The following SPG11 variants were observed in gnomAD, a reference collection of about 807,000 sequenced individuals.
The protein encoded by SPG11 is spatacsin.
Under a neutral mutation model 274.0 loss-of-function variants are expected in SPG11, and 222 were observed. That is an observed-to-expected ratio of 0.81 (90% CI 0.73 to 0.91). The LOEUF is 0.91. SPG11 is among the 40% of genes least tolerant of loss of function. The pLI is 0.00. For synonymous variants in SPG11, 1,144 were observed against 1,039.7 expected (o/e 1.10, Z -1.93); for missense variants, 3,114 against 2,872.7 (o/e 1.08, Z -1.92).
chr15:44,596,817 A>C lies in SPG11; in HGVS notation c.4128T>G (p.Ile1376Met). Reference protein sequence around the residue: ...AKANDWLQFIIHSQLHNYHPA... With the variant: ...AKANDWLQFIMHSQLHNYHPA... ...GGTGGTAGTTGTGGAGTTGGCTGTG[A>C]ATAATGAACTGCAGCCAATCATTTG... is the stretch of plus-strand genomic sequence containing the variant. Residue 1376 changes from isoleucine to methionine, a missense_variant, in exon 24 of 40, where the codon ATT (isoleucine) becomes ATG (methionine). Coordinates refer to ENST00000261866, the MANE Select transcript of SPG11 (RefSeq NM_025137.4). 6.2e-7 allele frequency: 1 copy of C among 1,614,112 alleles called. No individual in the cohort carries two copies. Among genetic ancestry groups the C allele is most frequent in the Non-Finnish European group, 8.5e-7 (1 of 1,180,012 alleles).
At chr15:44,576,235 G>T (rs1056113531) in intron 30 of SPG11, among the ~76,000 whole-genome samples, 8 of 149,276 alleles carry the variant, frequency 5.4e-5, no homozygotes, top group Non-Finnish European at 1.5e-5. Context: ...AAAAAGTAAG[G>T]AATATTTATA....
chr15:44,615,677 A>C, intron 15 of SPG11, 111 bp from the exon 16 acceptor site: 2 of 961,952 alleles, frequency 2.1e-6, no homozygotes, highest in Non-Finnish European at 3.2e-6. Flanking sequence ...TTTACAAATT[A>C]ATGCTGCCAG....
At chr15:44,647,278 T>C (rs2084636185) in intron 7 of SPG11, among the ~76,000 whole-genome samples, 1 of 152,130 alleles carries the variant, frequency 6.6e-6, no homozygotes, top group Admixed American at 6.6e-5. Context: ...AAACAAACAA[T>C]AACAAGTGTT....
chr15:44,587,816 G>A (rs183275052), intron 28 of SPG11, among the ~76,000 whole-genome samples: 3 of 149,930 alleles, frequency 2.0e-5, no homozygotes, highest in African/African-American at 7.4e-5. Context: ...AACTATTATA[G>A]TCATGTTTAA....
In SPG11 at chr15:44,617,579, G is replaced by C. The variant is rs2083621148; in HGVS notation, c.2835-2013C>G. ...GCTCACACTTCTGTTCTCTACCCCGGCACCAATACTCTGTCTTAACTGCTA... is the reference window on the plus strand; with the variant it reads ...GCTCACACTTCTGTTCTCTACCCCGCCACCAATACTCTGTCTTAACTGCTA... On this transcript the variant is annotated intron_variant, in intron 15 of 39. Coordinates refer to ENST00000261866, the MANE Select transcript of SPG11 (RefSeq NM_025137.4). Among the ~76,000 whole-genome samples, 3 of 152,186 alleles carry C rather than the reference G, an allele frequency of 2.0e-5. No homozygotes were observed. The East Asian group carries it at 5.8e-4, about 29-fold the overall frequency.
chr15:44,648,662 TAATCTTATATCTTTTAAAGCCAAAA>T (rs1555459500), intron 7 of SPG11, among the ~76,000 whole-genome samples, 179 bp downstream of exon 7: 3 of 152,164 alleles, frequency 2.0e-5, no homozygotes, highest in Non-Finnish European at 2.9e-5. Context: ...TTATTTACTA[TAATCTTATATCTTTTAAAGCCAAAA>T]AGGGTAAACT....
chr15:44,663,329 CTCAG>C lies in SPG11; in HGVS notation c.257+58_257+61del, dbSNP rs970241079. The stretch of plus-strand genomic sequence containing the variant: ...GAGGCCTCGGCGTGAGCCCTTGGGG[CTCAG>C]TCAGCCGAGCCTAGGCTCTGGACTC... On this transcript the variant is annotated intron_variant, in intron 1 of 39. Transcript: ENST00000261866. The C allele has an allele frequency of 6.4e-6, 10 of 1,565,920 alleles. No individual in the cohort carries two copies. In the African/African-American group the frequency reaches 1.1e-4, roughly 17 times the overall value.
Position 44,596,811 on chromosome 15 carries a change from G to C in SPG11, c.4134C>G (p.Ser1378Arg), listed in dbSNP as rs1225464938. The stretch of plus-strand genomic sequence containing the variant: ...CTGCTGGGTGGTAGTTGTGGAGTTG[G>C]CTGTGAATAATGAACTGCAGCCAAT... The part of the protein sequence containing the change: ...ANDWLQFIIH[S>R]QLHNYHPAEV... Residue 1378 changes from serine to arginine, a missense_variant, in exon 24 of 40, where the codon AGC (serine) becomes AGG (arginine). Transcript: ENST00000261866. 6.2e-7 allele frequency: 1 copy of C among 1,614,034 alleles called. No homozygotes were observed. The highest frequency in any genetic ancestry group is 8.5e-7 in the Non-Finnish European group (1 of 1,180,010).
At position 44,584,353 on chromosome 15, in the gene SPG11, A is replaced by T; in HGVS notation, c.5327T>A (p.Leu1776His). The T allele has an allele frequency of 6.2e-7, 1 of 1,611,212 alleles. No individual in the cohort carries two copies. Among genetic ancestry groups the T allele is most frequent in the Non-Finnish European group, 8.5e-7 (1 of 1,177,950 alleles). ...WSSMEERHLL[L>H]TLAGHWLAQE... is the part of the protein sequence containing the mutation. Reference sequence around the variant, plus strand: ...GGCAAGCCAGTGCCCTGCCAAGGTGAGCAGCAGATGGCGCTCCTCCATGCT... The same window carrying T: ...GGCAAGCCAGTGCCCTGCCAAGGTGTGCAGCAGATGGCGCTCCTCCATGCT... Residue 1776 changes from leucine (L) to histidine (H), a missense_variant, in exon 30 of 40, where the codon CTC becomes CAC. Transcript: ENST00000261866.
intron 26 of SPG11, among the ~76,000 whole-genome samples, chr15:44,593,665 A>G (rs952967480): frequency 6.6e-6 from 1 of 152,058 alleles, no homozygotes; most frequent in Non-Finnish European, 1.5e-5. Context: ...CACTTACTGA[A>G]GTATTTTGAG....
rs778554543 is a variant in SPG11, at chr15:44,633,481, T to C, written c.1735+24A>G. On this transcript the variant is annotated intron_variant, in intron 8 of 39. Coordinates refer to ENST00000261866, the MANE Select transcript of SPG11 (RefSeq NM_025137.4). Reference sequence around the variant, plus strand: ...AAGAAGATCAAATGATAAATACAAATGTAGAAATCTTTATTCCACTTACTT... The same window carrying C: ...AAGAAGATCAAATGATAAATACAAACGTAGAAATCTTTATTCCACTTACTT... 33 of 1,551,808 alleles carry C rather than the reference T, an allele frequency of 2.1e-5. No homozygotes were observed. The Middle Eastern group carries it at 7.1e-4, about 34-fold the overall frequency.
chr15:44,663,570 T>C lies in SPG11; in HGVS notation c.78A>G (p.Leu26=), dbSNP rs753713965. Reference sequence around the variant, plus strand: ...CGGGGACTGGCACCAACAGCATCGGTAGAACCCGCCCCATGGCCGCGGTGC... The same window carrying C: ...CGGGGACTGGCACCAACAGCATCGGCAGAACCCGCCCCATGGCCGCGGTGC... ...SWGTAAMGRV[L]PMLLVPVPAE... Residue 26 remains leucine, a synonymous_variant, in exon 1 of 40, where the codon CTA becomes CTG. Transcript: ENST00000261866. The C allele has an allele frequency of 1.6e-5, 25 of 1,596,664 alleles. No homozygotes were observed. The highest frequency in any genetic ancestry group is 1.7e-5 in the Admixed American group (1 of 58,178).
chr15:44,611,093 A>T (rs1372983605), intron 17 of SPG11, 108 bp from the exon 18 acceptor site: 2 of 110,374 alleles, frequency 1.8e-5, no homozygotes, highest in Non-Finnish European at 1.8e-5. Flanking sequence ...ATCCCCAGTA[A>T]AAAAAAAAAA....
At position 44,620,303 on chromosome 15, in the gene SPG11, A is replaced by C; in HGVS notation, c.2721T>G (p.His907Gln). 6.2e-7 allele frequency: 1 copy of C among 1,614,118 alleles called. No homozygotes were observed. Among genetic ancestry groups the C allele is most frequent in the Non-Finnish European group, 8.5e-7 (1 of 1,179,958 alleles). ...TGTTCTGCTGAAGTGAAGCATAACT[A>C]TGCTGGGTTTGAAATTCTCCAATCC... Reference protein sequence around the residue: ...ILWIGEFQTQHSYASLQQNKW... With the variant: ...ILWIGEFQTQQSYASLQQNKW... Residue 907 changes from histidine to glutamine, a missense_variant, in exon 15 of 40, where the codon CAT (histidine) becomes CAG (glutamine). Physicochemically the swap from His to Gln is conservative, Grantham distance 24. Coordinates refer to ENST00000261866, the MANE Select transcript of SPG11 (RefSeq NM_025137.4).
chr15:44,587,693 C>CA (rs34479385), intron 28 of SPG11, among the ~76,000 whole-genome samples: 1,182 of 34,048 alleles, frequency 0.035, 307 homozygotes, highest in African/African-American at 0.15. Context: ...CAGACTGTCT[C>CA]AAAAAAAAAA....
intron 1 of SPG11, among the ~76,000 whole-genome samples, chr15:44,662,640 A>T (rs900927189): frequency 7.2e-6 from 1 of 139,204 alleles, no homozygotes; most frequent in African/African-American, 2.8e-5. Context: ...GGCGACAGCG[A>T]CCTTATCTTT....
Position 44,565,815 on chromosome 15 carries a change from A to G in SPG11, c.6999+39T>C. On this transcript the variant is annotated intron_variant, in intron 38 of 39. Transcript: ENST00000261866. ...CATGAGTGGGACAGAAGGAGAGAGGATGCTAGCAGTGCTGGCTACAGTTTG... is the reference window on the plus strand; with the variant it reads ...CATGAGTGGGACAGAAGGAGAGAGGGTGCTAGCAGTGCTGGCTACAGTTTG... 2 of 1,612,396 alleles carry G rather than the reference A, an allele frequency of 1.2e-6. 1 individual carries two copies. Among genetic ancestry groups the G allele is most frequent in the South Asian group, 2.2e-5 (2 of 90,660 alleles).
In SPG11 at chr15:44,565,935, G is replaced by A. The variant is rs2082298789; in HGVS notation, c.6918C>T (p.Asn2306=). 1 of 1,613,868 alleles carries A rather than the reference G, an allele frequency of 6.2e-7. No individual in the cohort carries two copies. Among genetic ancestry groups the A allele is most frequent in the Admixed American group, 1.7e-5 (1 of 59,980 alleles). ...KLITLQIHFL[N]TGQNTMLINL... is the part of the protein sequence containing the mutation. Reference sequence around the variant, plus strand: ...TGATGAGCATTGTGTTCTGGCCAGTGTTCAGAAAGTGAATCTGCAGAGTTA... The same window carrying A: ...TGATGAGCATTGTGTTCTGGCCAGTATTCAGAAAGTGAATCTGCAGAGTTA... The change falls in exon 38 of 40, where the codon AAC becomes AAT. Residue 2306 remains asparagine, a synonymous_variant. Coordinates refer to ENST00000261866, the MANE Select transcript of SPG11 (RefSeq NM_025137.4).
At chr15:44,568,369 A>T (rs900041320) in intron 35 of SPG11, among the ~76,000 whole-genome samples, 1 of 152,220 alleles carries the variant, frequency 6.6e-6, no homozygotes, top group Non-Finnish European at 1.5e-5. Context: ...TCACTTGATG[A>T]CTAGATTGGT....
Sources: gnomAD v4.1 joint callset for allele counts (sites outside exome capture counted in the v4.1 genomes callset) on GRCh38, gnomAD v4.1.1 for gene constraint, MANE v1.5 for transcripts, NCBI Gene and HGNC (gene_info 2026-07-23, HGNC 2026-07-21) for gene names.